RAB11FIP4: variants seen among roughly 807,000 people sequenced by gnomAD.
RAB11FIP4 encodes rab11 family-interacting protein 4.
A neutral mutation model predicts 74.3 loss-of-function variants in RAB11FIP4; 23 were observed. The ratio of observed to expected loss-of-function variants is 0.31; its 90% CI spans 0.22 to 0.44. RAB11FIP4 has a LOEUF of 0.44. Ranked by LOEUF, RAB11FIP4 falls within the 20% of genes least tolerant of loss-of-function variation. The pLI, the probability that RAB11FIP4 is intolerant of heterozygous loss-of-function variation, is 1.00. For missense variants in RAB11FIP4, 630 were observed against 863.9 expected (o/e 0.73, Z 3.39); for synonymous variants, 360 against 359.9 (o/e 1.00, Z 0.00).
intron 3 of RAB11FIP4, among the ~76,000 whole-genome samples, chr17:31,446,621 G>T (rs2071466773): frequency 1.3e-5 from 2 of 151,938 alleles, no homozygotes; most frequent in Non-Finnish European, 2.9e-5. Flanking sequence ...CCTGAGAGGG[G>T]CAATCTCAAG....
intron 1 of RAB11FIP4, among the ~76,000 whole-genome samples, chr17:31,426,948 A>ATTTTTGT (rs974755707): frequency 6.7e-6 from 1 of 149,068 alleles, no homozygotes; most frequent in Non-Finnish European, 1.5e-5. Context: ...GTGCCTGGCC[A>ATTTTTGT]TTTTTGTTTT....
chr17:31,505,709 TTAA>T lies in RAB11FIP4; in HGVS notation c.337-11936_337-11934del, dbSNP rs551704978. 2.0e-3 allele frequency among the ~76,000 whole-genome samples: 228 copies of T among 111,856 alleles called. 1 individual carries two copies. Among genetic ancestry groups the T allele is most frequent in the African/African-American group, 9.0e-3 (212 of 23,586 alleles). The allele number at this position is 111,856 out of a possible 152,430, so 73.4% of individuals were successfully genotyped here. A position where few individuals can be genotyped will look rare whatever the true frequency, so the allele number is the denominator to read the frequency against. ...ATATATAATAATTATATATAATATA[TTAA>T]TAATATTATTATTACTATTATTAAA... is the stretch of plus-strand genomic sequence containing the variant. On this transcript the variant is annotated intron_variant, in intron 3 of 14. Transcript: ENST00000621161.
At chr17:31,409,551 T>C (rs1418015666) in intron 1 of RAB11FIP4, among the ~76,000 whole-genome samples, 1 of 152,106 alleles carries the variant, frequency 6.6e-6, no homozygotes, top group Non-Finnish European at 1.5e-5. Context: ...TGAGGGGCAT[T>C]GCAACGTTGG....
chr17:31,520,772 C>T (rs2072649361), intron 4 of RAB11FIP4: 1 of 152,358 alleles, frequency 6.6e-6, no homozygotes, highest in Admixed American at 6.5e-5. Flanking sequence ...TCCCAAAGTG[C>T]TGGGGTTACA....
intron 1 of RAB11FIP4, among the ~76,000 whole-genome samples, chr17:31,424,801 T>C (rs1275783298): frequency 1.3e-5 from 2 of 152,134 alleles, no homozygotes; most frequent in African/African-American, 4.8e-5. Context: ...GGTCTCGAAC[T>C]CCTGACCTCA....
At chr17:31,473,786 T>C (rs1275177452) in intron 3 of RAB11FIP4, among the ~76,000 whole-genome samples, 3 of 152,146 alleles carry the variant, frequency 2.0e-5, no homozygotes, top group Admixed American at 2.0e-4. Context: ...ATTTGGGTGG[T>C]AAGCATGTTA....
chr17:31,400,711 A>G (rs890735876), intron 1 of RAB11FIP4, among the ~76,000 whole-genome samples: 1 of 152,102 alleles, frequency 6.6e-6, no homozygotes, highest in Non-Finnish European at 1.5e-5. Flanking sequence ...GACTTTGGAG[A>G]CAAGCTGCCG....
intron 1 of RAB11FIP4, among the ~76,000 whole-genome samples, chr17:31,419,407 G>A (rs2071177787): frequency 6.6e-6 from 1 of 151,032 alleles, no homozygotes; most frequent in Non-Finnish European, 1.5e-5. Context: ...TTCAAATGTT[G>A]GGCCAGCTTT....
At chr17:31,392,945 C>T (rs1428681560) in intron 1 of RAB11FIP4, among the ~76,000 whole-genome samples, 1 of 152,190 alleles carries the variant, frequency 6.6e-6, no homozygotes. Flanking sequence ...GGCCTGGGGC[C>T]ATGGGCCTCA....
intron 3 of RAB11FIP4, among the ~76,000 whole-genome samples, chr17:31,444,509 G>A (rs185816130): frequency 2.6e-5 from 4 of 152,238 alleles, no homozygotes; most frequent in Admixed American, 6.5e-5. Flanking sequence ...CCTTTTGTTC[G>A]TTGCCTCAGC....
At chr17:31,429,664 T>TA (rs1338094043) in intron 1 of RAB11FIP4, among the ~76,000 whole-genome samples, 6 of 152,030 alleles carry the variant, frequency 3.9e-5, no homozygotes, top group African/African-American at 1.2e-4. Flanking sequence ...GCCTCTCTAC[T>TA]AAAAATACAA....
At position 31,534,609 on chromosome 17, in the gene RAB11FIP4, C is replaced by T. The variant is rs2072927696; in HGVS notation, c.*2877C>T. ...GATTTTAAAAATTCTGATGATTAGA[C>T]TGAATCCTCAGACGTTCTGGTTTGA... On this transcript the variant is annotated 3_prime_UTR_variant, in exon 15 of 15. Transcript: ENST00000621161. 1 of 152,306 alleles carries T rather than the reference C, an allele frequency of 6.6e-6. No homozygotes were observed. The highest frequency in any genetic ancestry group is 2.1e-4 in the South Asian group (1 of 4,822). 9.4% of individuals were successfully genotyped at this position (152,306 alleles called of 1,614,324 possible).
At chr17:31,467,960 C>T (rs78674629) in intron 3 of RAB11FIP4, among the ~76,000 whole-genome samples, 1,935 of 152,254 alleles carry the variant, frequency 0.013, 40 homozygotes, top group African/African-American at 0.044. Context: ...GCCTGGTGTT[C>T]GAGATGACTG....
chr17:31,397,354 A>G (rs896429846), intron 1 of RAB11FIP4, among the ~76,000 whole-genome samples: 2 of 152,186 alleles, frequency 1.3e-5, no homozygotes, highest in Non-Finnish European at 2.9e-5. Flanking sequence ...GAGGAAGAGC[A>G]TCCTAACTTG....
intron 1 of RAB11FIP4, among the ~76,000 whole-genome samples, chr17:31,417,659 G>C (rs1053112371): frequency 6.6e-6 from 1 of 152,254 alleles, no homozygotes; most frequent in Non-Finnish European, 1.5e-5. Flanking sequence ...TGGGGCTGCG[G>C]TGGGGAACTA....
In RAB11FIP4 at chr17:31,447,245, C is replaced by T. The variant is rs942880046; in HGVS notation, c.336+13123C>T. ...CTTGCAATGAGCCGAGATTGTGCCA[C>T]TGCACTCCAACCTGGGCCACAGAGC... is the stretch of plus-strand genomic sequence containing the variant. On this transcript the variant is annotated intron_variant, in intron 3 of 14. Transcript: ENST00000621161. Among the ~76,000 whole-genome samples, 65 of 152,312 alleles carry T rather than the reference C, an allele frequency of 4.3e-4. 1 individual carries two copies. Among genetic ancestry groups the T allele is most frequent in the Admixed American group, 1.8e-3 (27 of 15,296 alleles).
At position 31,407,078 on chromosome 17, in the gene RAB11FIP4, G is replaced by C. The variant is rs530169456; in HGVS notation, c.159+15067G>C. ...TTTTTTTTTTTTTTTTTGAGACAAG[G>C]CTTCGCTCAGTCACCCAGACTGGAG... On this transcript the variant is annotated intron_variant, in intron 1 of 14. Coordinates refer to ENST00000621161, the MANE Select transcript of RAB11FIP4 (RefSeq NM_032932.6). Among the ~76,000 whole-genome samples, 12 of 110,260 alleles carry C rather than the reference G, an allele frequency of 1.1e-4. No individual in the cohort carries two copies. The South Asian group carries it at 2.1e-3, about 20-fold the overall frequency. 72.3% of individuals were successfully genotyped at this position (110,260 alleles called of 152,430 possible). A position where few individuals can be genotyped will look rare whatever the true frequency, so the allele number is the denominator to read the frequency against.
At chr17:31,396,474 G>A (rs1002087241) in intron 1 of RAB11FIP4, among the ~76,000 whole-genome samples, 2 of 152,182 alleles carry the variant, frequency 1.3e-5, no homozygotes, top group African/African-American at 4.8e-5. Flanking sequence ...CATACAAAGG[G>A]CTTAGTCCAG....
At position 31,506,562 on chromosome 17, in the gene RAB11FIP4, T is replaced by C. The variant is rs1382522739; in HGVS notation, c.337-11089T>C. Among the ~76,000 whole-genome samples the C allele has an allele frequency of 2.0e-5, 3 of 152,202 alleles. No individual in the cohort carries two copies. In the East Asian group the frequency reaches 5.8e-4, roughly 29 times the overall value. Reference sequence around the variant, plus strand: ...CTCCCTTCTCCTACCCTCTCCAGCCTCTGGTAACCACCATTCTACTTTCTA... The same window carrying C: ...CTCCCTTCTCCTACCCTCTCCAGCCCCTGGTAACCACCATTCTACTTTCTA... On this transcript the variant is annotated intron_variant, in intron 3 of 14. Transcript: ENST00000621161.
Sources: allele counts gnomAD v4.1 joint callset (sites outside exome capture counted in the v4.1 genomes callset), GRCh38; gene constraint gnomAD v4.1.1; transcripts MANE v1.5; gene names NCBI Gene and HGNC (gene_info 2026-07-23, HGNC 2026-07-21).